The following MALRD1 variants were observed in gnomAD, a reference collection of about 807,000 sequenced individuals.
MALRD1 encodes MAM and LDL-receptor class A domain-containing protein 1.
In MALRD1, 247 loss-of-function variants were observed where a neutral mutation model predicts 242.1. That is an observed-to-expected ratio of 1.02 (90% CI 0.92 to 1.13). The LOEUF is 1.13. Ranked by LOEUF, MALRD1 falls within the 50% of genes most tolerant of loss-of-function variation. The pLI, the probability that MALRD1 is intolerant of heterozygous loss-of-function variation, is 0.00. For missense variants in MALRD1, 2,989 were observed against 2,533.1 expected (o/e 1.18, Z -3.86); for synonymous variants, 995 against 866.6 (o/e 1.15, Z -2.60).
At chr10:19,654,217 C>G (rs1449833566) in intron 36 of MALRD1, among the ~76,000 whole-genome samples, 1 of 132,258 alleles carries the variant, frequency 7.6e-6, no homozygotes, top group Non-Finnish European at 1.7e-5. Context: ...CCAGTGGGAA[C>G]AAACACATTT....
intron 18 of MALRD1, among the ~76,000 whole-genome samples, chr10:19,236,363 C>T (rs937618194): frequency 6.6e-6 from 1 of 152,128 alleles, no homozygotes; most frequent in Non-Finnish European, 1.5e-5. Flanking sequence ...TAGGTGTAAC[C>T]TAGAAGCTTG....
intron 1 of MALRD1, among the ~76,000 whole-genome samples, chr10:19,056,341 G>T (rs1008559386): frequency 7.3e-5 from 11 of 151,242 alleles, no homozygotes; most frequent in African/African-American, 2.7e-4. Context: ...ACATTTTCAT[G>T]TAATTGTGTT....
chr10:19,548,138 T>TACAA (rs1835324363), intron 32 of MALRD1, among the ~76,000 whole-genome samples: 1 of 150,912 alleles, frequency 6.6e-6, no homozygotes, highest in Admixed American at 6.6e-5. Context: ...TAGCTGGGAT[T>TACAA]ACAAGCATGC....
At chr10:19,700,865 A>G (rs1833591030) in intron 38 of MALRD1, among the ~76,000 whole-genome samples, 2 of 152,304 alleles carry the variant, frequency 1.3e-5, no homozygotes, top group East Asian at 1.9e-4. Context: ...TCAAGAGAGA[A>G]GGATTCCCTC....
chr10:19,160,946 T>C (rs1356248022), intron 12 of MALRD1, among the ~76,000 whole-genome samples: 3 of 151,792 alleles, frequency 2.0e-5, no homozygotes, highest in Non-Finnish European at 4.4e-5. Context: ...GAAGGGTTTT[T>C]TGTGTCTCTA....
At chr10:19,119,712 A>C (rs180837745) in intron 5 of MALRD1, among the ~76,000 whole-genome samples, 1 of 152,196 alleles carries the variant, frequency 6.6e-6, no homozygotes, top group Non-Finnish European at 1.5e-5. Context: ...CTCCTAAACT[A>C]TAATTTCTAT....
intron 36 of MALRD1, among the ~76,000 whole-genome samples, chr10:19,688,476 A>G (rs1842692411): frequency 1.3e-5 from 2 of 151,098 alleles, no homozygotes; most frequent in South Asian, 4.2e-4. Context: ...GCCCAGACTG[A>G]TCTCAAACTC....
At chr10:19,497,371 A>G (rs1837768606) in intron 30 of MALRD1, among the ~76,000 whole-genome samples, 1 of 151,550 alleles carries the variant, frequency 6.6e-6, no homozygotes, top group Admixed American at 6.6e-5. Context: ...GCATACAAGA[A>G]GCAATAGATT....
At chr10:19,284,611 A>G (rs1841017039) in intron 21 of MALRD1, among the ~76,000 whole-genome samples, 1 of 150,288 alleles carries the variant, frequency 6.7e-6, no homozygotes, top group Non-Finnish European at 1.5e-5. Context: ...GTAGTATTCC[A>G]TGGTGTATAT....
chr10:19,204,166 C>A, intron 15 of MALRD1, 142 bp from the exon 16 acceptor site: 1 of 670,540 alleles, frequency 1.5e-6, no homozygotes, highest in Non-Finnish European at 2.6e-6. Flanking sequence ...ACAAATTTGA[C>A]TAAGAGTCAC....
chr10:19,269,344 C>T (rs72796439), intron 19 of MALRD1, among the ~76,000 whole-genome samples: 15,021 of 152,246 alleles, frequency 0.099, 753 homozygotes, highest in Middle Eastern at 0.12. Flanking sequence ...AGCTCTCACG[C>T]GCTCTCTCGC....
chr10:19,167,023 T>C (rs1047358951), intron 13 of MALRD1, among the ~76,000 whole-genome samples: 1 of 152,086 alleles, frequency 6.6e-6, no homozygotes, highest in Non-Finnish European at 1.5e-5. Context: ...AAAGATAATA[T>C]AGCTAAAATG....
chr10:19,080,157 T>C (rs1038398020), intron 2 of MALRD1, among the ~76,000 whole-genome samples: 1 of 151,908 alleles, frequency 6.6e-6, no homozygotes, highest in Non-Finnish European at 1.5e-5. Context: ...TGCTCATGGG[T>C]AGGAGGATGC....
chr10:19,165,462 C>T lies in MALRD1; in HGVS notation c.1657-175C>T, dbSNP rs538986395. On this transcript the variant is annotated intron_variant, in intron 12 of 39. Transcript: ENST00000454679. ...GGATTACACGCATGCACCACCACAC[C>T]CGGCTAATTTTTTTGTATTATTAGT... 1.9e-3 allele frequency among the ~76,000 whole-genome samples: 293 copies of T among 151,482 alleles called. 4 individuals are homozygous for T. Among genetic ancestry groups the T allele is most frequent in the South Asian group, 1.0e-3 (5 of 4,794 alleles).
chr10:19,198,033 C>T (rs1377169189), intron 14 of MALRD1, among the ~76,000 whole-genome samples: 1 of 152,110 alleles, frequency 6.6e-6, no homozygotes, highest in Non-Finnish European at 1.5e-5. Context: ...TCTAAGCTTT[C>T]TTTTTTTCTT....
chr10:19,450,573 T>A, intron 29 of MALRD1, 83 bp downstream of exon 29: 1 of 1,207,778 alleles, frequency 8.3e-7, no homozygotes, highest in Non-Finnish European at 1.1e-6. Flanking sequence ...TTACAATGCT[T>A]TACTGTTATG....
At chr10:19,465,920 C>G (rs966008196) in intron 29 of MALRD1, among the ~76,000 whole-genome samples, 1 of 152,126 alleles carries the variant, frequency 6.6e-6, no homozygotes, top group Non-Finnish European at 1.5e-5. Context: ...GGTTCCTTTC[C>G]TTTTTCAATT....
chr10:19,429,826 T>G (rs567488168), intron 28 of MALRD1, among the ~76,000 whole-genome samples: 1 of 152,252 alleles, frequency 6.6e-6, no homozygotes, highest in African/African-American at 2.4e-5. Context: ...ATTCTCCCGC[T>G]TATTCCAAGG....
Position 19,584,343 on chromosome 10 carries a change from C to T in MALRD1, c.5681-10851C>T, listed in dbSNP as rs1040342110. Among the ~76,000 whole-genome samples, 3 of 152,140 alleles carry T rather than the reference C, an allele frequency of 2.0e-5. No homozygotes were observed. The East Asian group carries it at 5.8e-4, about 29-fold the overall frequency. Reference sequence around the variant, plus strand: ...GGATGTCAATTTTGGATCTTTTCTGCTTTCTCTTGTGGGCATTTAGTGCTA... The same window carrying T: ...GGATGTCAATTTTGGATCTTTTCTGTTTTCTCTTGTGGGCATTTAGTGCTA... On this transcript the variant is annotated intron_variant, in intron 33 of 39. Coordinates refer to ENST00000454679, the MANE Select transcript of MALRD1 (RefSeq NM_001142308.3).
Sources: allele counts gnomAD v4.1 joint callset (sites outside exome capture counted in the v4.1 genomes callset), GRCh38; gene constraint gnomAD v4.1.1; transcripts MANE v1.5; gene names NCBI Gene and HGNC (gene_info 2026-07-23, HGNC 2026-07-21).